The following CPEB4 variants were observed in gnomAD, a reference collection of about 807,000 sequenced individuals.
CPEB4 encodes the protein cytoplasmic polyadenylation element binding protein 4.
In CPEB4, 12 loss-of-function variants were observed where a neutral mutation model predicts 72.5. That is an observed-to-expected ratio of 0.17 (90% CI 0.11 to 0.27). The LOEUF (loss-of-function observed/expected upper bound fraction) is 0.27. Ranked by LOEUF, CPEB4 falls within the 10% of genes least tolerant of loss-of-function variation. The pLI is 1.00. For synonymous variants in CPEB4, 302 were observed against 326.3 expected, an observed-to-expected ratio of 0.93 and a Z score of 0.80; for missense variants, 614 against 908.5, an observed-to-expected ratio of 0.68 and a Z score of 4.17.
chr5:173,929,296 T>C (rs1187403856), intron 2 of CPEB4, among the ~76,000 whole-genome samples: 2 of 152,224 alleles, frequency 1.3e-5, no homozygotes, highest in African/African-American at 2.4e-5. Flanking sequence ...ATTTTCTCTT[T>C]AAAAGATACC....
rs576294444 is a variant in CPEB4 at position 173,894,727 on chromosome 5, A to C, written c.1125+3869A>C. On this transcript the variant is annotated intron_variant, in intron 1 of 9. Transcript: ENST00000265085. ...ATCCTATGAAGCAGAAATTATTATT[A>C]TTTTTATTCACAGACAAGATTTGGC... Among the ~76,000 whole-genome samples, 143 of 151,892 alleles carry C rather than the reference A, an allele frequency of 9.4e-4. 1 individual carries two copies. The highest frequency in any genetic ancestry group is 3.4e-3 in the African/African-American group (139 of 41,410).
intron 1 of CPEB4, among the ~76,000 whole-genome samples, chr5:173,909,276 T>C (rs1581121615): frequency 6.6e-6 from 1 of 152,354 alleles, no homozygotes; most frequent in East Asian, 1.9e-4. Context: ...TGTTTTGCTT[T>C]CTCATCTAAA....
chr5:173,890,058 G>C lies in CPEB4; in HGVS notation c.325G>C (p.Glu109Gln). 1 of 1,614,088 alleles carries C rather than the reference G, an allele frequency of 6.2e-7. No homozygotes were observed. The highest frequency in any genetic ancestry group is 8.5e-7 in the Non-Finnish European group (1 of 1,179,996). The change falls in exon 1 of 10, where the codon GAA becomes CAA. Residue 109 changes from glutamate (E) to glutamine (Q), a missense_variant. Around this residue, in one of 5 missense-constraint regions of CPEB4, gnomAD observed 458 missense variants for 548.6 expected, o/e 0.83. Transcript: ENST00000265085. Reference protein sequence around the residue: ...SPGQEAGILPETEKAKSEENQ... With the variant: ...SPGQEAGILPQTEKAKSEENQ... ...AGGTCAGGAAGCTGGAATACTGCCT[G>C]AAACAGAGAAGGCAAAATCAGAAGA...
At chr5:173,935,321 C>G (rs1306940087) in intron 3 of CPEB4, among the ~76,000 whole-genome samples, 1 of 152,118 alleles carries the variant, frequency 6.6e-6, no homozygotes, top group Non-Finnish European at 1.5e-5. Context: ...CAAATGCATT[C>G]CCTTCATGTC....
chr5:173,924,574 T>A (rs988867535), intron 2 of CPEB4, among the ~76,000 whole-genome samples: 5 of 152,214 alleles, frequency 3.3e-5, no homozygotes, highest in African/African-American at 1.2e-4. Context: ...AGGAATTAAT[T>A]TTGTTAAGTA....
rs551417070 is a variant in CPEB4 at position 173,957,856 on chromosome 5, A to G, written c.*1719A>G. The G allele has an allele frequency of 6.5e-6, 1 of 152,896 alleles. No individual in the cohort carries two copies. Among genetic ancestry groups the G allele is most frequent in the Admixed American group, 6.5e-5 (1 of 15,298 alleles). 9.5% of individuals were successfully genotyped at this position (152,896 alleles called of 1,614,324 possible). On this transcript the variant is annotated 3_prime_UTR_variant, in exon 10 of 10. Coordinates refer to ENST00000265085, the MANE Select transcript of CPEB4 (RefSeq NM_030627.4). ...TTACTTTTAATACAGGCTTTAATGA[A>G]CTATACCTGTTAAGTTCCAAAGGTC...
At position 173,959,240 on chromosome 5, in the gene CPEB4, A is replaced by G. The variant is rs1758472842; in HGVS notation, c.*3103A>G. ...TACAATGTAGTTACAGAGTAATTAC[A>G]TGGTGATTTTTGCAATGTAAAATAA... On this transcript the variant is annotated 3_prime_UTR_variant, in exon 10 of 10. Transcript: ENST00000265085. 1 of 152,786 alleles carries G rather than the reference A, an allele frequency of 6.5e-6. No homozygotes were observed. The highest frequency in any genetic ancestry group is 1.5e-5 in the Non-Finnish European group (1 of 68,020). The allele number at this position is 152,786 out of a possible 1,614,324, so 9.5% of individuals were successfully genotyped here.
intron 1 of CPEB4, 150 bp downstream of exon 1, chr5:173,891,008 G>A (rs1755793424): frequency 6.4e-6 from 5 of 776,126 alleles, no homozygotes; most frequent in South Asian, 6.4e-5. Flanking sequence ...TTTAGCAGGA[G>A]TGTAATTGGA....
chr5:173,889,879 C>T lies in CPEB4; in HGVS notation c.146C>T (p.Thr49Ile). Residue 49 changes from threonine to isoleucine, a missense_variant, in exon 1 of 10, where the codon ACA becomes ATA. Coordinates refer to ENST00000265085, the MANE Select transcript of CPEB4 (RefSeq NM_030627.4). ...PSPAAFINNN[T>I]AANGSSAGSA... is the part of the protein sequence containing the mutation. ...CCTGCTGCTTTTATAAATAATAACA[C>T]AGCTGCCAATGGCAGCAGTGCTGGG... is the stretch of plus-strand genomic sequence containing the variant. The T allele has an allele frequency of 6.2e-7, 1 of 1,614,156 alleles. No homozygotes were observed. The highest frequency in any genetic ancestry group is 8.5e-7 in the Non-Finnish European group (1 of 1,180,000).
intron 9 of CPEB4, 187 bp downstream of exon 9, chr5:173,953,459 G>A: frequency 2.2e-6 from 1 of 464,100 alleles, no homozygotes; most frequent in Non-Finnish European, 3.8e-6. Flanking sequence ...AGTTTTTTGA[G>A]TAGCCTAATC....
rs565504208 is a variant in CPEB4, at chr5:173,947,617, CCATGAAATGTTGGAGT to C, written c.1457-1887_1457-1872del. Among the ~76,000 whole-genome samples the C allele has an allele frequency of 3.8e-4, 58 of 152,138 alleles. 1 individual carries two copies. The highest frequency in any genetic ancestry group is 1.3e-3 in the African/African-American group (56 of 41,516). ...TAGAAAGGCGGAAGGCTAGAAAAACCCATGAAATGTTGGAGTCATATTGAAAATATCAATATGAACT... is the reference window on the plus strand; with the variant it reads ...TAGAAAGGCGGAAGGCTAGAAAAACCCATATTGAAAATATCAATATGAACT... On this transcript the variant is annotated intron_variant, in intron 5 of 9. Transcript: ENST00000265085.
At chr5:173,954,610 G>A (rs1440783121) in intron 9 of CPEB4, among the ~76,000 whole-genome samples, 1 of 151,988 alleles carries the variant, frequency 6.6e-6, no homozygotes, top group Non-Finnish European at 1.5e-5. Flanking sequence ...TGACCTCAAG[G>A]GATCCACCTG....
chr5:173,904,343 T>C (rs1017374375), intron 1 of CPEB4, among the ~76,000 whole-genome samples: 1 of 152,234 alleles, frequency 6.6e-6, no homozygotes, highest in Non-Finnish European at 1.5e-5. Context: ...CTATTAGTAC[T>C]GTTACTACCA....
In CPEB4 at chr5:173,955,808, C is replaced by T; in HGVS notation, c.1963-102C>T. 1 of 928,584 alleles carries T rather than the reference C, an allele frequency of 1.1e-6. No individual in the cohort carries two copies. Among genetic ancestry groups the T allele is most frequent in the East Asian group, 2.5e-5 (1 of 40,802 alleles). 57.5% of individuals were successfully genotyped at this position (928,584 alleles called of 1,614,324 possible). On this transcript the variant is annotated intron_variant, in intron 9 of 9. Transcript: ENST00000265085. The surrounding 1 kb of genome is among the most constrained non-coding windows in gnomAD (Gnocchi z 4.7). Reference sequence around the variant, plus strand: ...ATAATTAGTCCTTCCTCTTTGGGCACCTTGGAACAGATTCATTCAGATAGT... The same window carrying T: ...ATAATTAGTCCTTCCTCTTTGGGCATCTTGGAACAGATTCATTCAGATAGT...
At position 173,957,539 on chromosome 5, in the gene CPEB4, AT is replaced by A. The variant is rs1758417828; in HGVS notation, c.*1403del. 1 of 152,772 alleles carries A rather than the reference AT, an allele frequency of 6.5e-6. No individual in the cohort carries two copies. The highest frequency in any genetic ancestry group is 2.4e-5 in the African/African-American group (1 of 41,460). The allele number at this position is 152,772 out of a possible 1,614,324, so 9.5% of individuals were successfully genotyped here. ...TAAAATTCTAGCTTTGAAAGGCGTT[AT>A]GTGTTGAACAGTATGCTTCAGGGGT... On this transcript the variant is annotated 3_prime_UTR_variant, in exon 10 of 10. Transcript: ENST00000265085.
intron 2 of CPEB4, among the ~76,000 whole-genome samples, chr5:173,915,776 T>C (rs1756846376): frequency 6.6e-6 from 1 of 152,252 alleles, no homozygotes; most frequent in African/African-American, 2.4e-5. Flanking sequence ...AAATTGGTAC[T>C]TGTTACTTAG....
Position 173,890,408 on chromosome 5 carries a change from G to C in CPEB4, c.675G>C (p.Gln225His). The C allele has an allele frequency of 6.2e-7, 1 of 1,614,002 alleles. No individual in the cohort carries two copies. Among genetic ancestry groups the C allele is most frequent in the Non-Finnish European group, 8.5e-7 (1 of 1,179,962 alleles). ...SPGFGGSFSPQIGPLSQHHPH... is the reference protein window; with the variant it reads ...SPGFGGSFSPHIGPLSQHHPH... The stretch of plus-strand genomic sequence containing the variant: ...GCTTTGGAGGCAGCTTCTCTCCTCA[G>C]ATCGGGCCTCTCTCACAGCACCACC... Residue 225 changes from glutamine (Q) to histidine (H), a missense_variant, in exon 1 of 10, where the codon CAG (glutamine) becomes CAC (histidine). Gln to His is a conservative substitution (Grantham distance 24). Coordinates refer to ENST00000265085, the MANE Select transcript of CPEB4 (RefSeq NM_030627.4).
chr5:173,915,520 G>C (rs926987590), intron 2 of CPEB4, among the ~76,000 whole-genome samples: 6 of 152,102 alleles, frequency 3.9e-5, no homozygotes, highest in African/African-American at 1.2e-4. Flanking sequence ...ATCCTCAGAA[G>C]CTCTTCCCCA....
At position 173,951,954 on chromosome 5, in the gene CPEB4, C is replaced by G. The variant is rs772216022; in HGVS notation, c.1780+16C>G. 1 of 1,491,424 alleles carries G rather than the reference C, an allele frequency of 6.7e-7. No homozygotes were observed. The highest frequency in any genetic ancestry group is 1.4e-5 in the African/African-American group (1 of 72,578). The allele number at this position is 1,491,424 out of a possible 1,614,324, so 92.4% of individuals were successfully genotyped here. On this transcript the variant is annotated intron_variant, in intron 8 of 9. Coordinates refer to ENST00000265085, the MANE Select transcript of CPEB4 (RefSeq NM_030627.4). ...TTACGAGCTGGTATGATTAAACAAA[C>G]GACAAACTCTCTACCCTATAGCGCA...
Sources: gnomAD v4.1 joint callset for allele counts (sites outside exome capture counted in the v4.1 genomes callset) on GRCh38, gnomAD v4.1.1 for gene constraint, gnomAD v4.1.1 regional missense constraint, Gnocchi (gnomAD v3.1) non-coding constraint, MANE v1.5 for transcripts, NCBI Gene and HGNC (gene_info 2026-07-23, HGNC 2026-07-21) for gene names.